ZMYND11: variants seen among roughly 807,000 people sequenced by gnomAD.
ZMYND11 encodes the protein zinc finger MYND-type containing 11, also known as zinc finger MYND domain-containing protein 11.
In ZMYND11, 9 loss-of-function variants were observed where a neutral mutation model predicts 84.9. The ratio of observed to expected loss-of-function variants is 0.11; its 90% confidence interval spans 0.06 to 0.18. The LOEUF is 0.18. Ranked by LOEUF, ZMYND11 falls within the 10% of genes least tolerant of loss-of-function variation. ZMYND11 has a pLI of 1.00. For synonymous variants in ZMYND11, 250 were observed against 244.1 expected, an observed-to-expected ratio of 1.02 and a Z score of -0.23; for missense variants, 409 against 761.0, an observed-to-expected ratio of 0.54 and a Z score of 5.44.
At chr10:146,851 A>G (rs551662704) in intron 1 of ZMYND11, among the ~76,000 whole-genome samples, 8 of 152,356 alleles carry the variant, frequency 5.3e-5, no homozygotes, top group African/African-American at 1.7e-4. Context: ...GGTTTTATAA[A>G]GGGCAGTTCA....
intron 1 of ZMYND11, among the ~76,000 whole-genome samples, chr10:144,333 C>T (rs986767299): frequency 2.0e-5 from 3 of 152,174 alleles, no homozygotes; most frequent in East Asian, 1.9e-4. Flanking sequence ...ATCCTCCTGC[C>T]TCAACTTCTT....
rs1476157816 is a variant in ZMYND11, at chr10:135,875, C to T, written c.-20+316C>T. ...CCCGGAGGACCGCGCGGGGCCTGCT[C>T]GGGCCGGGAAGCCGCGGAGTCGCGT... On this transcript the variant is annotated intron_variant, in intron 1 of 14. Transcript: ENST00000381604. The surrounding 1 kb of genome is among the most constrained non-coding windows in gnomAD (Gnocchi z 5.6). Among the ~76,000 whole-genome samples the T allele has an allele frequency of 6.6e-6, 1 of 151,072 alleles. No homozygotes were observed. The highest frequency in any genetic ancestry group is 2.4e-5 in the African/African-American group (1 of 41,242).
At chr10:234,827 C>G (rs1191199537) in intron 4 of ZMYND11, among the ~76,000 whole-genome samples, 1 of 152,148 alleles carries the variant, frequency 6.6e-6, no homozygotes, top group African/African-American at 2.4e-5. Flanking sequence ...AGCAGTGCAC[C>G]GAAGCATGTC....
At chr10:153,103 T>A (rs1840811652) in intron 1 of ZMYND11, among the ~76,000 whole-genome samples, 1 of 152,240 alleles carries the variant, frequency 6.6e-6, no homozygotes, top group Admixed American at 6.5e-5. Flanking sequence ...TTAGCCGTGG[T>A]ACTGATGTAC....
At chr10:162,852 C>T (rs1843216309) in intron 1 of ZMYND11, among the ~76,000 whole-genome samples, 2 of 151,910 alleles carry the variant, frequency 1.3e-5, no homozygotes, top group Admixed American at 6.6e-5. Flanking sequence ...ATGTTTATTC[C>T]CTGGAGCCCC....
intron 4 of ZMYND11, among the ~76,000 whole-genome samples, chr10:226,390 C>T (rs1009902979): frequency 6.7e-6 from 1 of 149,860 alleles, no homozygotes; most frequent in African/African-American, 2.5e-5. Flanking sequence ...GATTTTTTTC[C>T]CCAAAATAAT....
At chr10:177,472 G>A (rs905134555) in intron 1 of ZMYND11, among the ~76,000 whole-genome samples, 1 of 152,118 alleles carries the variant, frequency 6.6e-6, no homozygotes, top group Non-Finnish European at 1.5e-5. Flanking sequence ...GTTTTTCTGA[G>A]ATGTAGCATT....
chr10:227,899 A>G (rs1272454406), intron 4 of ZMYND11, among the ~76,000 whole-genome samples: 1 of 152,204 alleles, frequency 6.6e-6, no homozygotes, highest in Non-Finnish European at 1.5e-5. Context: ...ATAAGTAGAG[A>G]TTGAAGCCAT....
intron 1 of ZMYND11, among the ~76,000 whole-genome samples, chr10:136,019 T>A (rs1245196768): frequency 6.6e-6 from 1 of 151,366 alleles, no homozygotes; most frequent in African/African-American, 2.4e-5. Flanking sequence ...GAAGCGTTTG[T>A]CGGCGCGGCA....
intron 3 of ZMYND11, among the ~76,000 whole-genome samples, chr10:214,112 C>A (rs1034459836): frequency 6.6e-6 from 1 of 152,130 alleles, no homozygotes; most frequent in Admixed American, 6.5e-5. Flanking sequence ...TCTCAGCCAC[C>A]GTTTGCAGCC....
At chr10:154,201 G>A (rs1467891407) in intron 1 of ZMYND11, among the ~76,000 whole-genome samples, 3 of 152,090 alleles carry the variant, frequency 2.0e-5, no homozygotes, top group African/African-American at 7.2e-5. Context: ...CATTTTTCTG[G>A]ATATATCATA....
intron 3 of ZMYND11, among the ~76,000 whole-genome samples, chr10:217,565 A>T (rs1016554586): frequency 6.6e-5 from 10 of 152,000 alleles, no homozygotes. Flanking sequence ...AATGAATTTT[A>T]AAATGCCTAG....
intron 1 of ZMYND11, among the ~76,000 whole-genome samples, chr10:161,421 C>G (rs151277617): frequency 2.8e-4 from 43 of 152,298 alleles, no homozygotes; most frequent in African/African-American, 1.0e-3. Flanking sequence ...CTAGGATTTT[C>G]AGAATGGTAA....
At chr10:228,784 C>G (rs1948538007) in intron 4 of ZMYND11, among the ~76,000 whole-genome samples, 2 of 152,170 alleles carry the variant, frequency 1.3e-5, no homozygotes, top group South Asian at 4.1e-4. Context: ...AACCTGTGTT[C>G]CATAAAATTT....
At chr10:245,875 A>G (rs1952020328) in intron 10 of ZMYND11, among the ~76,000 whole-genome samples, 1 of 152,214 alleles carries the variant, frequency 6.6e-6, no homozygotes, top group Non-Finnish European at 1.5e-5. Flanking sequence ...AGAAGACCCG[A>G]GAGATTCCAA....
chr10:235,221 A>AGAG (rs1237877467), intron 4 of ZMYND11, among the ~76,000 whole-genome samples: 4 of 152,220 alleles, frequency 2.6e-5, no homozygotes, highest in African/African-American at 9.7e-5. Flanking sequence ...TTTAATAACT[A>AGAG]GAGTTCAATG....
Position 254,230 on chromosome 10 carries a change from A to G in ZMYND11, c.*1760A>G, listed in dbSNP as rs1953991265. The G allele has an allele frequency of 6.6e-6, 1 of 152,614 alleles. No individual in the cohort carries two copies. Among genetic ancestry groups the G allele is most frequent in the South Asian group, 2.1e-4 (1 of 4,826 alleles). The allele number at this position is 152,614 out of a possible 1,614,324, so 9.5% of individuals were successfully genotyped here. A position where few individuals can be genotyped will look rare whatever the true frequency, so the allele number is the denominator to read the frequency against. ...ATTGTGGAAATATTTTTGGTGTAAA[A>G]TCATTCCAGAGTATGTAATATTTAA... On this transcript the variant is annotated 3_prime_UTR_variant, in exon 15 of 15. Transcript: ENST00000381604.
rs535297251 is a variant in ZMYND11 at position 228,498 on chromosome 10, G to C, written c.438+7142G>C. ...TTCATGAACAGAAAATACTTACAAA[G>C]TACATGCAGTTTCCTTGTGCTACCT... On this transcript the variant is annotated intron_variant, in intron 4 of 14. Coordinates refer to ENST00000381604, the MANE Select transcript of ZMYND11 (RefSeq NM_001370100.5). Among the ~76,000 whole-genome samples, 121 of 152,270 alleles carry C rather than the reference G, an allele frequency of 7.9e-4. No homozygotes were observed. The Middle Eastern group carries it at 0.024, about 30-fold the overall frequency.
chr10:192,331 T>G (rs1167696043), intron 2 of ZMYND11, among the ~76,000 whole-genome samples: 1 of 152,228 alleles, frequency 6.6e-6, no homozygotes, highest in East Asian at 1.9e-4. Context: ...ATTTGGCTCC[T>G]CCTGCAGCCC....
Sources: allele counts gnomAD v4.1 joint callset (sites outside exome capture counted in the v4.1 genomes callset), GRCh38; gene constraint gnomAD v4.1.1; non-coding constraint Gnocchi (gnomAD v3.1); transcripts MANE v1.5; gene names NCBI Gene and HGNC (gene_info 2026-07-23, HGNC 2026-07-21).